The following CHODL variants were observed in gnomAD, a reference collection of about 807,000 sequenced individuals.
The protein encoded by CHODL is chondrolectin, also known as transmembrane protein MT75.
A neutral mutation model predicts 34.5 loss-of-function variants in CHODL; 29 were observed. The observed-to-expected ratio is 0.84, with a 90% CI of 0.63 to 1.15. The LOEUF (loss-of-function observed/expected upper bound fraction) is 1.15. Among genes scored for constraint, CHODL ranks in the 50% most tolerant of loss-of-function variants. The pLI is 0.00. For synonymous variants in CHODL, 125 were observed against 116.1 expected, an observed-to-expected ratio of 1.08 and a Z score of -0.49; for missense variants, 332 against 332.5, an observed-to-expected ratio of 1.00 and a Z score of 0.01.
intron 2 of CHODL, among the ~76,000 whole-genome samples, chr21:18,032,782 A>G (rs1037798040): frequency 9.9e-5 from 15 of 152,026 alleles, no homozygotes; most frequent in African/African-American, 3.6e-4. Flanking sequence ...CCAGAATTCC[A>G]TCGACATGTA....
At chr21:18,219,318 C>T (rs895458915) in intron 2 of CHODL, among the ~76,000 whole-genome samples, 1 of 151,992 alleles carries the variant, frequency 6.6e-6, no homozygotes, top group Non-Finnish European at 1.5e-5. Flanking sequence ...GGGAAAATGC[C>T]CCTTGTAAAA....
At chr21:18,072,870 T>C (rs935591521) in intron 2 of CHODL, among the ~76,000 whole-genome samples, 1 of 152,182 alleles carries the variant, frequency 6.6e-6, no homozygotes, top group Non-Finnish European at 1.5e-5. Flanking sequence ...CAATGGACTT[T>C]TAATTTCAAA....
intron 2 of CHODL, among the ~76,000 whole-genome samples, chr21:18,224,475 T>G (rs2073913256): frequency 6.6e-6 from 1 of 152,226 alleles, no homozygotes. Flanking sequence ...CAATATTCAG[T>G]GTGGTTAAGT....
intron 2 of CHODL, among the ~76,000 whole-genome samples, chr21:18,142,169 A>T (rs1266145334): frequency 6.6e-6 from 1 of 152,170 alleles, no homozygotes; most frequent in East Asian, 1.9e-4. Context: ...TGTACAGAAA[A>T]GGTCCTTTTA....
At chr21:18,252,446 T>C (rs970729307) in intron 1 of CHODL, among the ~76,000 whole-genome samples, 1 of 152,086 alleles carries the variant, frequency 6.6e-6, no homozygotes, top group Admixed American at 6.6e-5. Context: ...AACAAAACTT[T>C]TCTGGGAATT....
At chr21:17,953,448 C>T (rs1568814925) in intron 1 of CHODL, among the ~76,000 whole-genome samples, 1 of 151,858 alleles carries the variant, frequency 6.6e-6, no homozygotes, top group African/African-American at 2.4e-5. Context: ...GCCTGGGTGA[C>T]AGAATGAGAT....
intron 2 of CHODL, among the ~76,000 whole-genome samples, chr21:18,175,382 A>G (rs1167758301): frequency 6.6e-6 from 1 of 152,184 alleles, no homozygotes; most frequent in Non-Finnish European, 1.5e-5. Flanking sequence ...TCACGAGGTC[A>G]GGAGTTTGAG....
intron 1 of CHODL, among the ~76,000 whole-genome samples, chr21:17,945,074 T>C (rs932358510): frequency 2.0e-5 from 3 of 151,864 alleles, no homozygotes; most frequent in South Asian, 2.1e-4. Flanking sequence ...TAGCCGGGCA[T>C]GGTGGCAGGT....
intron 2 of CHODL, among the ~76,000 whole-genome samples, chr21:18,206,857 A>G (rs900702822): frequency 8.1e-6 from 1 of 123,128 alleles, no homozygotes; most frequent in Non-Finnish European, 1.7e-5. Context: ...ATAATATCTT[A>G]TAACCCATTA....
intron 2 of CHODL, among the ~76,000 whole-genome samples, chr21:18,084,960 T>TGA (rs1555864981): frequency 5.3e-4 from 80 of 150,828 alleles, no homozygotes; most frequent in African/African-American, 1.5e-3. Flanking sequence ...TGTGTGTGTG[T>TGA]GAATCTGAGT....
chr21:18,129,622 A>G (rs1269907208), intron 2 of CHODL, among the ~76,000 whole-genome samples: 1 of 152,064 alleles, frequency 6.6e-6, no homozygotes, highest in Non-Finnish European at 1.5e-5. Context: ...ATCATCTGGC[A>G]TTGGTTTACC....
chr21:18,198,837 G>T (rs1417493632), intron 2 of CHODL, among the ~76,000 whole-genome samples: 1 of 152,006 alleles, frequency 6.6e-6, no homozygotes, highest in Non-Finnish European at 1.5e-5. Flanking sequence ...ACCACCCAAA[G>T]TAAGAGAGTG....
In CHODL at chr21:17,982,696, C is replaced by CTTT. The variant is rs397867753; in HGVS notation, c.-144-45153_-144-45151dup. Among the ~76,000 whole-genome samples the CTTT allele has an allele frequency of 1.7e-3, 110 of 63,018 alleles. 1 individual carries two copies. The highest frequency in any genetic ancestry group is 2.6e-3 in the East Asian group (5 of 1,924). 41.3% of individuals were successfully genotyped at this position (63,018 alleles called of 152,430 possible). On this transcript the variant is annotated intron_variant, in intron 1 of 6. Transcript: ENST00000400127. Reference sequence around the variant, plus strand: ...CTATAAAAATCCCCTTATATATATTCTTTTTTTTTTTTTTTTTTTTTTTTT... The same window carrying CTTT: ...CTATAAAAATCCCCTTATATATATTCTTTTTTTTTTTTTTTTTTTTTTTTTTTT...
At chr21:18,043,873 CAA>C (rs1184654509) in intron 2 of CHODL, among the ~76,000 whole-genome samples, 1 of 151,820 alleles carries the variant, frequency 6.6e-6, no homozygotes, top group African/African-American at 2.4e-5. Context: ...TGGTGGCAGA[CAA>C]GAGAACGAGG....
At chr21:18,222,143 G>A (rs1186924467) in intron 2 of CHODL, among the ~76,000 whole-genome samples, 1 of 152,156 alleles carries the variant, frequency 6.6e-6, no homozygotes, top group Non-Finnish European at 1.5e-5. Context: ...GTGGCCTCAG[G>A]TTGGTGGCTT....
intron 2 of CHODL, among the ~76,000 whole-genome samples, chr21:18,127,833 A>G (rs1029208520): frequency 2.0e-5 from 3 of 151,990 alleles, no homozygotes; most frequent in Admixed American, 1.3e-4. Flanking sequence ...GCTCTCATCT[A>G]TCTTGGTCAG....
chr21:17,979,331 C>T (rs946838495), intron 1 of CHODL, among the ~76,000 whole-genome samples: 2 of 151,958 alleles, frequency 1.3e-5, no homozygotes, highest in Admixed American at 6.6e-5. Flanking sequence ...TAAAAGATTC[C>T]CTCTTTAATA....
chr21:18,017,955 G>A (rs2064091330), intron 1 of CHODL, among the ~76,000 whole-genome samples: 1 of 152,244 alleles, frequency 6.6e-6, no homozygotes, highest in Non-Finnish European at 1.5e-5. Flanking sequence ...TGTGGGACAT[G>A]GAGTCAAAGG....
intron 1 of CHODL, among the ~76,000 whole-genome samples, chr21:17,938,914 T>C (rs2063341741): frequency 6.6e-6 from 1 of 152,228 alleles, no homozygotes; most frequent in African/African-American, 2.4e-5. Flanking sequence ...TCTAATCTTG[T>C]TTCCACATAG....
Sources: allele counts gnomAD v4.1 joint callset (sites outside exome capture counted in the v4.1 genomes callset), GRCh38; gene constraint gnomAD v4.1.1; transcripts MANE v1.5; gene names NCBI Gene and HGNC (gene_info 2026-07-23, HGNC 2026-07-21).